The following CACNA1C variants were observed in gnomAD, a reference collection of about 807,000 sequenced individuals.
CACNA1C encodes the protein voltage-dependent L-type calcium channel subunit alpha-1C.
CACNA1C carries 30 observed loss-of-function variants against 229.0 expected under a neutral mutation model. The ratio of observed to expected loss-of-function variants is 0.13; its 90% CI spans 0.10 to 0.18. The LOEUF (loss-of-function observed/expected upper bound fraction) is 0.18, where lower values mean the gene tolerates loss of function less well. Ranked by LOEUF, CACNA1C falls within the 10% of genes least tolerant of loss-of-function variation. CACNA1C has a pLI of 1.00. For synonymous variants in CACNA1C, 1,114 were observed against 1,132.5 expected (o/e 0.98, Z 0.33); for missense variants, 1,658 against 2,845.0 (o/e 0.58, Z 9.49).
At chr12:2,012,813 A>T (rs2044675917) in intron 1 of CACNA1C, among the ~76,000 whole-genome samples, 1 of 152,250 alleles carries the variant, frequency 6.6e-6, no homozygotes, top group African/African-American at 2.4e-5. Context: ...AATATTTAGT[A>T]TAAAAAGTTC....
intron 4 of CACNA1C, among the ~76,000 whole-genome samples, chr12:2,451,837 G>C (rs2099379795): frequency 6.6e-6 from 1 of 152,244 alleles, no homozygotes; most frequent in South Asian, 2.1e-4. Flanking sequence ...CAGAGGTTAA[G>C]ATGCCAGCAG....
At chr12:2,682,169 T>C (rs925580384) in intron 42 of CACNA1C, 18 of 661,036 alleles carry the variant, frequency 2.7e-5, no homozygotes, top group Non-Finnish European at 4.5e-5. Flanking sequence ...GACCCAGGTG[T>C]CATAGCTGGA....
At chr12:2,335,809 G>A (rs539631451) in intron 3 of CACNA1C, among the ~76,000 whole-genome samples, 10 of 152,174 alleles carry the variant, frequency 6.6e-5, no homozygotes, top group Non-Finnish European at 1.2e-4. Flanking sequence ...TAGGAGAGAC[G>A]CAGGATGAAG....
chr12:2,523,277 G>A (rs1031307742), intron 9 of CACNA1C, among the ~76,000 whole-genome samples: 6 of 152,156 alleles, frequency 3.9e-5, no homozygotes, highest in Non-Finnish European at 5.9e-5. Flanking sequence ...AAGAAAAAGC[G>A]AACTGAGGTC....
intron 3 of CACNA1C, among the ~76,000 whole-genome samples, chr12:2,289,221 G>A (rs1277884765): frequency 2.0e-5 from 3 of 152,166 alleles, no homozygotes; most frequent in African/African-American, 7.2e-5. Context: ...CGAGGCACAT[G>A]CCAAAAAGGA....
In CACNA1C at chr12:2,275,703, G is replaced by A. The variant is rs375546647; in HGVS notation, c.477+155273G>A. Among the ~76,000 whole-genome samples, 13 of 150,682 alleles carry A rather than the reference G, an allele frequency of 8.6e-5. No individual in the cohort carries two copies. The highest frequency in any genetic ancestry group is 2.1e-4 in the South Asian group (1 of 4,816). The stretch of plus-strand genomic sequence containing the variant: ...GGATTTGACCTTTTCGCTTGTGGTC[G>A]GGCCAGGTTGAGCAGGAAACCATCG... On this transcript the variant is annotated intron_variant, in intron 3 of 46. Transcript: ENST00000399655. The surrounding 1 kb of genome is among the most constrained non-coding windows in gnomAD (Gnocchi z 4.1).
intron 34 of CACNA1C, among the ~76,000 whole-genome samples, chr12:2,658,411 G>A (rs1009765666): frequency 6.6e-6 from 1 of 152,170 alleles, no homozygotes; most frequent in Non-Finnish European, 1.5e-5. Flanking sequence ...AAATGGAGCT[G>A]AAAACTTCCT....
chr12:2,561,091 C>G (rs2047238685), intron 11 of CACNA1C, among the ~76,000 whole-genome samples: 1 of 152,178 alleles, frequency 6.6e-6, no homozygotes, highest in Non-Finnish European at 1.5e-5. Flanking sequence ...GAGTTCGTCT[C>G]TGCTGCTCAA....
intron 38 of CACNA1C, among the ~76,000 whole-genome samples, chr12:2,670,578 G>A (rs1021495789): frequency 2.0e-5 from 3 of 151,830 alleles, no homozygotes; most frequent in African/African-American, 7.3e-5. Flanking sequence ...ATAAAAATAG[G>A]GGCCAGGCGT....
intron 4 of CACNA1C, among the ~76,000 whole-genome samples, chr12:2,449,328 G>A (rs960804354): frequency 6.6e-6 from 1 of 152,152 alleles, no homozygotes; most frequent in Non-Finnish European, 1.5e-5. Flanking sequence ...CTGCCCATGG[G>A]CTTCCCGCCT....
intron 1 of CACNA1C, among the ~76,000 whole-genome samples, chr12:2,065,020 A>T (rs2058826585): frequency 6.6e-6 from 1 of 152,216 alleles, no homozygotes; most frequent in Admixed American, 6.5e-5. Context: ...ACCGACTATT[A>T]GTAAATTCCT....
chr12:2,509,736 C>T (rs1456545731), intron 8 of CACNA1C, among the ~76,000 whole-genome samples: 1 of 152,096 alleles, frequency 6.6e-6, no homozygotes, highest in East Asian at 1.9e-4. Flanking sequence ...AATGAGAAAA[C>T]ATGGCACTAA....
intron 9 of CACNA1C, among the ~76,000 whole-genome samples, chr12:2,516,121 C>T (rs2099796258): frequency 1.3e-5 from 2 of 152,050 alleles, no homozygotes; most frequent in South Asian, 2.1e-4. Flanking sequence ...GAATGTCTCA[C>T]GATCGAGGCA....
intron 3 of CACNA1C, among the ~76,000 whole-genome samples, chr12:2,145,441 A>T (rs1839601214): frequency 6.6e-6 from 1 of 151,198 alleles, no homozygotes; most frequent in African/African-American, 2.4e-5. Context: ...TATAAATTGA[A>T]ATCAGCTTTT....
At position 2,348,158 on chromosome 12, in the gene CACNA1C, G is replaced by A. The variant is rs748069140; in HGVS notation, c.478-100818G>A. Among the ~76,000 whole-genome samples the A allele has an allele frequency of 3.3e-5, 5 of 152,212 alleles. No individual in the cohort carries two copies. Among genetic ancestry groups the A allele is most frequent in the African/African-American group, 4.8e-5 (2 of 41,462 alleles). ...CTGCAGGAGTGGGAGCGTGGGGCTA[G>A]CTGCCAGTGGGATGGCCCCAGCCGG... On this transcript the variant is annotated intron_variant, in intron 3 of 46. Transcript: ENST00000399655. The surrounding 1 kb of genome is among the most constrained non-coding windows in gnomAD (Gnocchi z 4.7).
chr12:2,033,307 G>A (rs978475746), intron 1 of CACNA1C, among the ~76,000 whole-genome samples: 4 of 152,106 alleles, frequency 2.6e-5, no homozygotes, highest in African/African-American at 4.8e-5. Context: ...GCTCAAGTCC[G>A]CCCATGTGCT....
At chr12:2,503,625 G>C (rs1164921605) in intron 7 of CACNA1C, among the ~76,000 whole-genome samples, 1 of 152,198 alleles carries the variant, frequency 6.6e-6, no homozygotes, top group African/African-American at 2.4e-5. Flanking sequence ...CAAGCTGCCA[G>C]TGTGGTCAAC....
intron 29 of CACNA1C, among the ~76,000 whole-genome samples, chr12:2,621,587 A>G (rs1026344260): frequency 2.6e-5 from 4 of 152,184 alleles, no homozygotes; most frequent in African/African-American, 9.7e-5. Flanking sequence ...CTGGCTGCTC[A>G]TTGACAAATG....
At chr12:2,085,945 G>T (rs1254431917) in intron 1 of CACNA1C, among the ~76,000 whole-genome samples, 1 of 152,134 alleles carries the variant, frequency 6.6e-6, no homozygotes, top group Non-Finnish European at 1.5e-5. Flanking sequence ...GCCGTTCCCT[G>T]TACCTGGGAT....
Sources: allele counts gnomAD v4.1 joint callset (sites outside exome capture counted in the v4.1 genomes callset), GRCh38; gene constraint gnomAD v4.1.1; non-coding constraint Gnocchi (gnomAD v3.1); transcripts MANE v1.5; gene names NCBI Gene and HGNC (gene_info 2026-07-23, HGNC 2026-07-21).